AGBL4: variants seen among roughly 807,000 people sequenced by gnomAD.
AGBL4 encodes the protein cytosolic carboxypeptidase 6.
In AGBL4, 58 loss-of-function variants were observed where a neutral mutation model predicts 66.4. The ratio of observed to expected loss-of-function variants is 0.87; its 90% CI spans 0.71 to 1.09. The LOEUF is 1.09. Ranked by LOEUF, AGBL4 falls within the 50% of genes least tolerant of loss-of-function variation. The probability of loss-of-function intolerance (pLI) is 0.00; values close to 1 mark genes in which losing one functional copy is unlikely to be tolerated. For synonymous variants in AGBL4, 234 were observed against 222.9 expected, an observed-to-expected ratio of 1.05 and a Z score of -0.44; for missense variants, 579 against 631.0, an observed-to-expected ratio of 0.92 and a Z score of 0.88.
At chr1:49,848,118 A>T (rs1459122035) in intron 2 of AGBL4, among the ~76,000 whole-genome samples, 3 of 152,244 alleles carry the variant, frequency 2.0e-5, no homozygotes, top group Non-Finnish European at 4.4e-5. Flanking sequence ...AAAATAATAG[A>T]TGTTGTTGAG....
chr1:48,861,070 G>T (rs1248550447), intron 6 of AGBL4, among the ~76,000 whole-genome samples: 1 of 152,036 alleles, frequency 6.6e-6, no homozygotes, highest in African/African-American at 2.4e-5. Context: ...GAACAGGTGG[G>T]TATGAATAAA....
At chr1:49,321,602 T>C (rs1296642735) in intron 3 of AGBL4, among the ~76,000 whole-genome samples, 1 of 152,178 alleles carries the variant, frequency 6.6e-6, no homozygotes, top group African/African-American at 2.4e-5. Context: ...AATGCTCACA[T>C]ATGAGTAAAA....
intron 9 of AGBL4, among the ~76,000 whole-genome samples, chr1:48,594,182 G>C (rs1644961180): frequency 6.6e-6 from 1 of 152,088 alleles, no homozygotes; most frequent in Non-Finnish European, 1.5e-5. Flanking sequence ...AAAAAAATTA[G>C]CTGTGGTGGT....
intron 5 of AGBL4, among the ~76,000 whole-genome samples, chr1:48,935,958 GAAAAAAAAAAAAAAAAAAAAA>G (rs71056686): frequency 6.5e-4 from 16 of 24,596 alleles, no homozygotes; most frequent in South Asian, 3.0e-3. Context: ...GACTCTGTCT[GAAAAAAAAAAAAAAAAAAAAA>G]AAAAAAAAAA....
chr1:49,306,790 C>T (rs999342565), intron 3 of AGBL4, among the ~76,000 whole-genome samples: 1 of 152,132 alleles, frequency 6.6e-6, no homozygotes, highest in Non-Finnish European at 1.5e-5. Context: ...AGTCATGGGA[C>T]TATTTATTTC....
At chr1:49,887,961 G>A (rs1648243904) in intron 1 of AGBL4, among the ~76,000 whole-genome samples, 1 of 152,076 alleles carries the variant, frequency 6.6e-6, no homozygotes, top group Admixed American at 6.6e-5. Context: ...GGGAAAAATT[G>A]ATCACTCAAA....
At chr1:49,493,775 T>C (rs1647282720) in intron 3 of AGBL4, among the ~76,000 whole-genome samples, 1 of 152,036 alleles carries the variant, frequency 6.6e-6, no homozygotes, top group Non-Finnish European at 1.5e-5. Context: ...TTTGTATCAT[T>C]TTGACAAAAA....
At chr1:48,961,398 A>G (rs574335264) in intron 5 of AGBL4, among the ~76,000 whole-genome samples, 1 of 152,354 alleles carries the variant, frequency 6.6e-6, no homozygotes, top group South Asian at 2.1e-4. Context: ...CCTTGACCCA[A>G]GCAATTGATT....
chr1:49,639,017 C>G (rs1240098098), intron 3 of AGBL4, among the ~76,000 whole-genome samples: 2 of 152,150 alleles, frequency 1.3e-5, no homozygotes, highest in Non-Finnish European at 2.9e-5. Context: ...ACAAAGTGCC[C>G]TAATAGACAC....
chr1:48,678,061 C>T (rs756207106), intron 6 of AGBL4, among the ~76,000 whole-genome samples: 7 of 152,136 alleles, frequency 4.6e-5, no homozygotes, highest in African/African-American at 7.2e-5. Flanking sequence ...GCTGTGCTGC[C>T]GAAGTACCTC....
chr1:49,502,667 G>T (rs1359838986), intron 3 of AGBL4, among the ~76,000 whole-genome samples: 2 of 152,020 alleles, frequency 1.3e-5, no homozygotes, highest in South Asian at 2.1e-4. Context: ...AGACTGATGT[G>T]GATTCAGGTG....
intron 3 of AGBL4, among the ~76,000 whole-genome samples, chr1:49,499,298 A>C (rs1647902949): frequency 1.3e-5 from 2 of 151,944 alleles, no homozygotes. Flanking sequence ...TATGTGTCTT[A>C]AGAATTTATC....
intron 5 of AGBL4, among the ~76,000 whole-genome samples, chr1:49,036,769 C>G (rs952277389): frequency 1.0e-4 from 15 of 150,638 alleles, no homozygotes; most frequent in Admixed American, 1.3e-4. Context: ...CCTATATTGC[C>G]CAGGCTGGTC....
At chr1:48,969,077 CCTCCCTCCCTCCCTCT>C (rs903928448) in intron 5 of AGBL4, among the ~76,000 whole-genome samples, 8 of 145,380 alleles carry the variant, frequency 5.5e-5, no homozygotes, top group South Asian at 4.7e-4. Context: ...TCTCTTTCTC[CCTCCCTCCCTCCCTCT>C]CTCCCTCCCT....
intron 2 of AGBL4, among the ~76,000 whole-genome samples, chr1:49,832,951 C>T (rs1194290833): frequency 6.6e-6 from 1 of 151,926 alleles, no homozygotes; most frequent in Admixed American, 6.6e-5. Flanking sequence ...GTTGCCTGTT[C>T]ACTCTGATGG....
intron 1 of AGBL4, among the ~76,000 whole-genome samples, chr1:49,962,737 TA>T (rs1557622708): frequency 6.6e-6 from 1 of 152,132 alleles, no homozygotes; most frequent in Non-Finnish European, 1.5e-5. Context: ...TTAAAACAGA[TA>T]ATATAGTAAT....
At chr1:48,702,807 A>G (rs1646823158) in intron 6 of AGBL4, among the ~76,000 whole-genome samples, 2 of 152,184 alleles carry the variant, frequency 1.3e-5, no homozygotes, top group Admixed American at 1.3e-4. Flanking sequence ...TACAAATTGC[A>G]TTTGATTCCG....
intron 3 of AGBL4, among the ~76,000 whole-genome samples, chr1:49,303,836 G>T (rs1042044553): frequency 2.6e-5 from 4 of 151,854 alleles, no homozygotes; most frequent in Admixed American, 1.3e-4. Context: ...AATGGGGTTG[G>T]TTTTTTCTCG....
At chr1:49,172,938 C>A (rs1646765619) in intron 4 of AGBL4, among the ~76,000 whole-genome samples, 1 of 151,942 alleles carries the variant, frequency 6.6e-6, no homozygotes, top group Admixed American at 6.6e-5. Context: ...CCAGCCTGAC[C>A]AAAAATCCAA....
Sources: gnomAD v4.1 joint callset for allele counts (sites outside exome capture counted in the v4.1 genomes callset) on GRCh38, gnomAD v4.1.1 for gene constraint, MANE v1.5 for transcripts, NCBI Gene and HGNC (gene_info 2026-07-23, HGNC 2026-07-21) for gene names.